RICTOR: variants seen among roughly 807,000 people sequenced by gnomAD.
RICTOR encodes RPTOR independent companion of MTOR complex 2, also known as rapamycin-insensitive companion of mTOR.
RICTOR carries 49 observed loss-of-function variants against 214.9 expected under a neutral mutation model. The ratio of observed to expected loss-of-function variants is 0.23; its 90% CI spans 0.18 to 0.29. RICTOR has a LOEUF of 0.29. Ranked by LOEUF, RICTOR falls within the 10% of genes least tolerant of loss-of-function variation. RICTOR has a pLI of 1.00. For missense variants in RICTOR, 1,625 were observed against 2,047.0 expected (o/e 0.79, Z 3.98); for synonymous variants, 717 against 711.3 (o/e 1.01, Z -0.13).
chr5:38,962,389 A>G, intron 18 of RICTOR, 28 bp from the exon 19 acceptor site: 1 of 1,207,880 alleles, frequency 8.3e-7, no homozygotes, highest in Non-Finnish European at 1.2e-6. Flanking sequence ...GTTATATTAC[A>G]TATGTACTTA....
In RICTOR at chr5:39,034,831, G is replaced by A. The variant is rs559271659; in HGVS notation, c.98-13695C>T. Among the ~76,000 whole-genome samples the A allele has an allele frequency of 2.0e-5, 3 of 152,368 alleles. No individual in the cohort carries two copies. The East Asian group carries it at 5.8e-4, about 29-fold the overall frequency. On this transcript the variant is annotated intron_variant, in intron 2 of 37. Coordinates refer to ENST00000357387, the MANE Select transcript of RICTOR (RefSeq NM_152756.5). ...AAAGCAGCCCAGAAGCTCGAACTGG[G>A]TGGAGCCCACCGCAGCTCAAGGAGG...
chr5:38,953,194 A>G, intron 28 of RICTOR, 103 bp from the exon 29 acceptor site: 2 of 783,778 alleles, frequency 2.6e-6, no homozygotes, highest in Non-Finnish European at 4.2e-6. Flanking sequence ...GAGAGAGAAA[A>G]AATGTAAAAG....
intron 29 of RICTOR, 86 bp from the exon 30 acceptor site, chr5:38,952,511 T>A: frequency 2.3e-6 from 2 of 881,096 alleles, no homozygotes; most frequent in Non-Finnish European, 3.4e-6. Context: ...CTATACATAC[T>A]TTGAACTTTC....
chr5:38,965,563 C>T lies in RICTOR; in HGVS notation c.1300-671G>A, dbSNP rs1266811553. 2.0e-5 allele frequency among the ~76,000 whole-genome samples: 3 copies of T among 151,724 alleles called. No individual in the cohort carries two copies. In the East Asian group the frequency reaches 5.8e-4, roughly 29 times the overall value. ...GTATAGAGATTCCTTCATATAAAAG[C>T]AAATAACTCTGAATATTGGTATTCT... On this transcript the variant is annotated intron_variant, in intron 15 of 37. Coordinates refer to ENST00000357387, the MANE Select transcript of RICTOR (RefSeq NM_152756.5).
intron 2 of RICTOR, among the ~76,000 whole-genome samples, chr5:39,038,164 C>G (rs1449886314): frequency 3.3e-5 from 5 of 152,154 alleles, no homozygotes; most frequent in Non-Finnish European, 7.3e-5. Context: ...GCTGGTTCAA[C>G]ATATGCAAAT....
chr5:38,946,132 T>C (rs1298910078), intron 33 of RICTOR, among the ~76,000 whole-genome samples: 1 of 152,206 alleles, frequency 6.6e-6, no homozygotes, highest in African/African-American at 2.4e-5. Flanking sequence ...AGTACATTTC[T>C]TTCTCCTTAC....
intron 3 of RICTOR, among the ~76,000 whole-genome samples, chr5:39,013,241 G>A (rs771223742): frequency 6.6e-5 from 10 of 152,008 alleles, no homozygotes; most frequent in African/African-American, 9.7e-5. Context: ...AGTATAACAC[G>A]TTAAACTTAA....
intron 1 of RICTOR, 24 bp downstream of exon 1, chr5:39,074,305 G>C: frequency 6.4e-7 from 1 of 1,556,760 alleles, no homozygotes; most frequent in Non-Finnish European, 8.7e-7. Context: ...GGGCGGTGGG[G>C]AGTGAGGGTT....
At chr5:39,006,522 A>G (rs1455483564) in intron 3 of RICTOR, among the ~76,000 whole-genome samples, 5 of 151,994 alleles carry the variant, frequency 3.3e-5, no homozygotes, top group Non-Finnish European at 7.4e-5. Flanking sequence ...AGTTATAAAC[A>G]TTGTAACCAT....
intron 7 of RICTOR, among the ~76,000 whole-genome samples, 197 bp downstream of exon 7, chr5:38,990,752 A>ATCATATATATCATATATC (rs1336882288): frequency 1.9e-5 from 1 of 52,552 alleles, no homozygotes; most frequent in African/African-American, 5.4e-5. Flanking sequence ...TATGAGATAT[A>ATCATATATATCATATATC]TGATATATAT....
At chr5:38,990,121 G>A (rs958667044) in intron 7 of RICTOR, among the ~76,000 whole-genome samples, 2 of 152,162 alleles carry the variant, frequency 1.3e-5, no homozygotes, top group African/African-American at 4.8e-5. Flanking sequence ...ACTGGATAAA[G>A]AAAATGTGGC....
intron 7 of RICTOR, among the ~76,000 whole-genome samples, 183 bp from the exon 8 acceptor site, chr5:38,982,219 C>A (rs1221420194): frequency 1.3e-5 from 2 of 152,136 alleles, no homozygotes; most frequent in African/African-American, 4.8e-5. Context: ...TTCCCCACAA[C>A]CTGATATTTA....
intron 5 of RICTOR, among the ~76,000 whole-genome samples, chr5:38,997,666 A>G (rs1038171095): frequency 3.9e-5 from 6 of 152,082 alleles, no homozygotes; most frequent in African/African-American, 1.4e-4. Flanking sequence ...AAAAAAAAAT[A>G]CTTTACAGTA....
chr5:39,059,844 G>A (rs1758425531), intron 2 of RICTOR, among the ~76,000 whole-genome samples: 1 of 151,962 alleles, frequency 6.6e-6, no homozygotes, highest in African/African-American at 2.4e-5. Context: ...TGCTAAAAAT[G>A]TAATAAATAT....
intron 31 of RICTOR, among the ~76,000 whole-genome samples, chr5:38,948,278 A>C (rs1176666839): frequency 6.6e-6 from 1 of 152,170 alleles, no homozygotes; most frequent in African/African-American, 2.4e-5. Context: ...TAAATCAAAT[A>C]ATTATTTTGT....
rs1357166027 is a variant in RICTOR, at chr5:38,945,002, G to C, written c.4700C>G (p.Pro1567Arg). 1 of 1,612,638 alleles carries C rather than the reference G, an allele frequency of 6.2e-7. No homozygotes were observed. The highest frequency in any genetic ancestry group is 8.5e-7 in the Non-Finnish European group (1 of 1,178,808). Reference sequence around the variant, plus strand: ...TCCAGAAATCCCCGAAAACTTAGAGGGAACCACTTCTAAAGGATTATGGAT... The same window carrying C: ...TCCAGAAATCCCCGAAAACTTAGAGCGAACCACTTCTAAAGGATTATGGAT... ...QTIHNPLEVV[P>R]SKFSGISGCS... The change falls in exon 35 of 38, where the codon CCC becomes CGC. Residue 1567 changes from proline (P) to arginine (R), a missense_variant. By Grantham distance (103) the Pro-to-Arg change is moderately radical (BLOSUM62 -2). This residue lies in a region of RICTOR where 1,214 missense variants were observed against 1,470.5 expected (regional missense o/e 0.83). Transcript: ENST00000357387.
chr5:39,024,349 T>C (rs1473153538), intron 2 of RICTOR, among the ~76,000 whole-genome samples: 3 of 152,134 alleles, frequency 2.0e-5, no homozygotes, highest in African/African-American at 4.8e-5. Context: ...GAATGATCCA[T>C]CACTGAGTGA....
chr5:38,957,641 T>G lies in RICTOR; in HGVS notation c.2499+11A>C, dbSNP rs372091630. The G allele has an allele frequency of 1.4e-6, 2 of 1,408,492 alleles. No individual in the cohort carries two copies. The highest frequency in any genetic ancestry group is 2.0e-6 in the Non-Finnish European group (2 of 1,007,616). The allele number at this position is 1,408,492 out of a possible 1,614,324, so 87.2% of individuals were successfully genotyped here. On this transcript the variant is annotated intron_variant, in intron 25 of 37. Transcript: ENST00000357387. ...ACACACAAATTCAACTTTATTCAAA[T>G]AAGAAGTTACCCTGTGCCACTTTTC...
intron 2 of RICTOR, among the ~76,000 whole-genome samples, chr5:39,068,003 G>C (rs1406112379): frequency 6.6e-6 from 1 of 152,098 alleles, no homozygotes; most frequent in Non-Finnish European, 1.5e-5. Context: ...TCTAGTGAAG[G>C]GGGAAGAAAC....
Sources: gnomAD v4.1 joint callset for allele counts (sites outside exome capture counted in the v4.1 genomes callset) on GRCh38, gnomAD v4.1.1 for gene constraint, gnomAD v4.1.1 regional missense constraint, MANE v1.5 for transcripts, NCBI Gene and HGNC (gene_info 2026-07-23, HGNC 2026-07-21) for gene names.